Variants in CREBBP observed in about 807,000 individuals in gnomAD.
The protein encoded by CREBBP is CREB binding lysine acetyltransferase.
A neutral mutation model predicts 265.0 loss-of-function variants in CREBBP; 19 were observed. The ratio of observed to expected loss-of-function variants is 0.07; its 90% CI spans 0.05 to 0.11. CREBBP has a LOEUF of 0.11. Among genes scored for constraint, CREBBP ranks in the 10% least tolerant of loss-of-function variants. The probability of loss-of-function intolerance (pLI) is 1.00; values close to 1 mark genes in which losing one functional copy is unlikely to be tolerated. For missense variants in CREBBP, 2,525 were observed against 3,219.0 expected (o/e 0.78, Z 5.22); for synonymous variants, 1,457 against 1,223.7 (o/e 1.19, Z -3.98).
intron 3 of CREBBP, among the ~76,000 whole-genome samples, chr16:3,806,657 G>T (rs556413376): frequency 6.6e-6 from 1 of 152,172 alleles, no homozygotes; most frequent in South Asian, 2.1e-4. Context: ...AATCAGGTGG[G>T]TTCCACTTCC....
intron 3 of CREBBP, among the ~76,000 whole-genome samples, chr16:3,795,638 A>G (rs992890463): frequency 6.6e-6 from 1 of 152,192 alleles, no homozygotes; most frequent in African/African-American, 2.4e-5. Context: ...ATAACTGTAA[A>G]TAAAGCTTCA....
Position 3,757,371 on chromosome 16 carries a change from C to T in CREBBP, c.3615G>A (p.Glu1205=), listed in dbSNP as rs759826090. Residue 1205 remains glutamate (E), a synonymous_variant, in exon 19 of 31, where the codon GAG becomes GAA. Coordinates refer to ENST00000262367, the MANE Select transcript of CREBBP (RefSeq NM_004380.3). The stretch of plus-strand genomic sequence containing the variant: ...AGCAGCACAAAGTCTGTGGGGAAAA[C>T]TCATACTGCAAAAATAAAGGAGAAA... ...SLGYCCGRKY[E]FSPQTLCCYG... 1.2e-6 allele frequency: 2 copies of T among 1,612,846 alleles called. No homozygotes were observed. The highest frequency in any genetic ancestry group is 3.3e-5 in the Admixed American group (2 of 59,930).
At chr16:3,759,528 A>G (rs1567288950) in intron 16 of CREBBP, among the ~76,000 whole-genome samples, 1 of 149,908 alleles carries the variant, frequency 6.7e-6, no homozygotes, top group Non-Finnish European at 1.5e-5. Flanking sequence ...CGGAGGTTGC[A>G]GTGAGCCGAG....
Position 3,725,214 on chromosome 16 carries a change from G to A in CREBBP, c.*2504C>T, listed in dbSNP as rs1224433502. 2.1e-5 allele frequency: 5 copies of A among 233,280 alleles called. No homozygotes were observed. Among genetic ancestry groups the A allele is most frequent in the Non-Finnish European group, 3.4e-5 (4 of 117,988 alleles). 14.5% of individuals were successfully genotyped at this position (233,280 alleles called of 1,614,324 possible). A position where few individuals can be genotyped will look rare whatever the true frequency, so the allele number is the denominator to read the frequency against. On this transcript the variant is annotated 3_prime_UTR_variant, in exon 31 of 31. Coordinates refer to ENST00000262367, the MANE Select transcript of CREBBP (RefSeq NM_004380.3). Reference sequence around the variant, plus strand: ...AGGTTTCTTACAGAAATTTCCTTACGACAAACTTAGGGTTAGCATCCACAG... The same window carrying A: ...AGGTTTCTTACAGAAATTTCCTTACAACAAACTTAGGGTTAGCATCCACAG...
rs945174272 is a variant in CREBBP, at chr16:3,762,117, T to C, written c.3251-3145A>G. Among the ~76,000 whole-genome samples, 7 of 152,306 alleles carry C rather than the reference T, an allele frequency of 4.6e-5. No homozygotes were observed. The East Asian group carries it at 5.8e-4, about 13-fold the overall frequency. ...ACATAGCTGTGCTCATTCGTTTATA[T>C]AGGATCTGTAGCTGCCTCCGTGCCA... On this transcript the variant is annotated intron_variant, in intron 16 of 30. Transcript: ENST00000262367.
At chr16:3,783,968 A>C (rs1165101655) in intron 5 of CREBBP, among the ~76,000 whole-genome samples, 1 of 152,200 alleles carries the variant, frequency 6.6e-6, no homozygotes. Flanking sequence ...CTGTCGCAAC[A>C]ACCCAAATGC....
intron 28 of CREBBP, 117 bp downstream of exon 28, chr16:3,735,919 G>A (rs1366561210): frequency 4.6e-6 from 7 of 1,535,000 alleles, no homozygotes; most frequent in Non-Finnish European, 5.4e-6. Context: ...CGACGTGCAT[G>A]TGTGAACGGA....
chr16:3,791,498 T>A (rs2053506627), intron 5 of CREBBP, among the ~76,000 whole-genome samples: 1 of 152,124 alleles, frequency 6.6e-6, no homozygotes, highest in Non-Finnish European at 1.5e-5. Context: ...AATGTCTGTG[T>A]GGGATTTTAT....
chr16:3,752,328 T>C (rs1416656619), intron 19 of CREBBP, among the ~76,000 whole-genome samples: 1 of 152,156 alleles, frequency 6.6e-6, no homozygotes, highest in Non-Finnish European at 1.5e-5. Flanking sequence ...TAAACTGAAA[T>C]AGCTTTATTT....
Position 3,849,444 on chromosome 16 carries a change from T to TGTGTGTG in CREBBP, c.798+846_798+852dup, listed in dbSNP as rs1567360573. ...GTGTGTGTGTGTGTGTGTGTGTGTG[T>TGTGTGTG]GTGTGTGTGTGTGTGTGTGTGTGTG... On this transcript the variant is annotated intron_variant, in intron 2 of 30. Transcript: ENST00000262367. Among the ~76,000 whole-genome samples the TGTGTGTG allele has an allele frequency of 4.3e-3, 106 of 24,860 alleles. 5 individuals are homozygous for TGTGTGTG. Among genetic ancestry groups the TGTGTGTG allele is most frequent in the Middle Eastern group, 0.024 (1 of 42 alleles). The allele number at this position is 24,860 out of a possible 152,430, so 16.3% of individuals were successfully genotyped here.
In CREBBP at chr16:3,725,775, C is replaced by T. The variant is rs1005337077; in HGVS notation, c.*1943G>A. On this transcript the variant is annotated 3_prime_UTR_variant, in exon 31 of 31. Coordinates refer to ENST00000262367, the MANE Select transcript of CREBBP (RefSeq NM_004380.3). ...AACCAAGTATTCAGCTATTTAAAAC[C>T]TATCTGTGAATGTAAGGGCCCAAAC... The T allele has an allele frequency of 4.3e-6, 1 of 233,194 alleles. No individual in the cohort carries two copies. The highest frequency in any genetic ancestry group is 8.5e-6 in the Non-Finnish European group (1 of 118,010). 14.4% of individuals were successfully genotyped at this position (233,194 alleles called of 1,614,324 possible). A position where few individuals can be genotyped will look rare whatever the true frequency, so the allele number is the denominator to read the frequency against.
rs1272169368 is a variant in CREBBP, at chr16:3,769,292, G to A, written c.2942C>T (p.Ala981Val). The change falls in exon 15 of 31, where the codon GCA (alanine) becomes GTA (valine). Residue 981 changes from alanine (A) to valine (V), a missense_variant. Around this residue, in one of 19 missense-constraint regions of CREBBP, gnomAD observed 548 missense variants for 533.0 expected, o/e 1.03. Coordinates refer to ENST00000262367, the MANE Select transcript of CREBBP (RefSeq NM_004380.3). ...RVPTPSSVAS[A>V]ETNSQQPGPD... is the part of the protein sequence containing the mutation. Reference sequence around the variant, plus strand: ...TCCTGGCTGCTGGGAATTGGTTTCTGCGCTGGCCACCGAGGAGGGGGTAGG... The same window carrying A: ...TCCTGGCTGCTGGGAATTGGTTTCTACGCTGGCCACCGAGGAGGGGGTAGG... The A allele has an allele frequency of 9.9e-6, 16 of 1,613,998 alleles. No individual in the cohort carries two copies. The Admixed American group carries it at 2.0e-4, about 20-fold the overall frequency.
At chr16:3,752,212 C>G (rs1447800157) in intron 19 of CREBBP, among the ~76,000 whole-genome samples, 2 of 152,174 alleles carry the variant, frequency 1.3e-5, no homozygotes, top group African/African-American at 4.8e-5. Context: ...ATTTAGGAAT[C>G]TGAATTTTGT....
At chr16:3,744,851 T>C in intron 23 of CREBBP, 43 bp downstream of exon 23, 1 of 1,456,614 alleles carries the variant, frequency 6.9e-7, no homozygotes, top group Non-Finnish European at 9.6e-7. Context: ...TACAAGTTTC[T>C]AAAATGTGCA....
At chr16:3,774,946 A>G (rs2053101341) in intron 11 of CREBBP, among the ~76,000 whole-genome samples, 1 of 152,184 alleles carries the variant, frequency 6.6e-6, no homozygotes. Flanking sequence ...ACATGAAGGC[A>G]TAAGGTTGGG....
chr16:3,879,012 T>C (rs566767739), intron 1 of CREBBP, among the ~76,000 whole-genome samples: 9 of 82,748 alleles, frequency 1.1e-4, no homozygotes, highest in South Asian at 5.6e-4. Flanking sequence ...TTTTGAAAAA[T>C]TGGAATTCCT....
intron 21 of CREBBP, among the ~76,000 whole-genome samples, chr16:3,747,861 G>A (rs1037546349): frequency 5.3e-5 from 8 of 151,878 alleles, no homozygotes; most frequent in African/African-American, 9.7e-5. Flanking sequence ...AGGCCGAGGC[G>A]GGTGGACCAC....
intron 27 of CREBBP, 106 bp downstream of exon 27, chr16:3,736,544 T>C: frequency 6.7e-7 from 1 of 1,487,162 alleles, no homozygotes; most frequent in Non-Finnish European, 9.4e-7. Flanking sequence ...TTTCTAATCC[T>C]CATAAGTGAA....
At position 3,726,043 on chromosome 16, in the gene CREBBP, G is replaced by C. The variant is rs1042909923; in HGVS notation, c.*1675C>G. ...GGGAGGCAGGACCATGTGGCTAAGT[G>C]CAAGTATCCCCCGAAGTGGGGGACC... On this transcript the variant is annotated 3_prime_UTR_variant, in exon 31 of 31. Coordinates refer to ENST00000262367, the MANE Select transcript of CREBBP (RefSeq NM_004380.3). 1 of 233,190 alleles carries C rather than the reference G, an allele frequency of 4.3e-6. No individual in the cohort carries two copies. Among genetic ancestry groups the C allele is most frequent in the African/African-American group, 2.2e-5 (1 of 45,358 alleles). 14.4% of individuals were successfully genotyped at this position (233,190 alleles called of 1,614,324 possible).
Sources: gnomAD v4.1 joint callset for allele counts (sites outside exome capture counted in the v4.1 genomes callset) on GRCh38, gnomAD v4.1.1 for gene constraint, gnomAD v4.1.1 regional missense constraint, MANE v1.5 for transcripts, NCBI Gene and HGNC (gene_info 2026-07-23, HGNC 2026-07-21) for gene names.